Variants in PPARGC1A observed in about 807,000 individuals in gnomAD.
PPARGC1A encodes PPARG coactivator 1 alpha.
In PPARGC1A, 25 loss-of-function variants were observed where a neutral mutation model predicts 88.7. The ratio of observed to expected loss-of-function variants is 0.28; its 90% CI spans 0.21 to 0.39. The LOEUF is 0.39. PPARGC1A is among the 10% of genes least tolerant of loss of function. The pLI, the probability that PPARGC1A is intolerant of heterozygous loss-of-function variation, is 1.00. For synonymous variants in PPARGC1A, 363 were observed against 355.6 expected (o/e 1.02, Z -0.24); for missense variants, 880 against 968.7 (o/e 0.91, Z 1.22).
the PPARGC1A span, among the ~76,000 whole-genome samples, chr4:24,011,619 T>G: frequency 6.6e-6 from 1 of 152,280 alleles, no homozygotes; most frequent in Non-Finnish European, 1.5e-5. Flanking sequence ...CTCACCGAAC[T>G]TTCCTGACCC....
At chr4:24,019,526 T>C in the PPARGC1A span, among the ~76,000 whole-genome samples, 1 of 152,168 alleles carries the variant, frequency 6.6e-6, no homozygotes, top group Non-Finnish European at 1.5e-5. Context: ...TATCCACATT[T>C]CAAAGTATTC....
rs1429371186 is a variant in PPARGC1A at position 23,890,037 on chromosome 4, A to G, written c.-80T>C. ...AGAGCACACACTCATGCAGGCAACCAGCCCCTTACTGAGAGTGAACTGAAG... is the reference window on the plus strand; with the variant it reads ...AGAGCACACACTCATGCAGGCAACCGGCCCCTTACTGAGAGTGAACTGAAG... On this transcript the variant is annotated 5_prime_UTR_variant, in exon 1 of 13. Coordinates refer to ENST00000264867, the MANE Select transcript of PPARGC1A (RefSeq NM_013261.5). 10 of 1,595,444 alleles carry G rather than the reference A, an allele frequency of 6.3e-6. No individual in the cohort carries two copies. Among genetic ancestry groups the G allele is most frequent in the Middle Eastern group, 3.4e-4 (2 of 5,946 alleles).
At chr4:24,211,863 T>A in the PPARGC1A span, among the ~76,000 whole-genome samples, 2 of 152,246 alleles carry the variant, frequency 1.3e-5, no homozygotes, top group Non-Finnish European at 2.9e-5. Flanking sequence ...TAATTTTTCT[T>A]GCACAGGTAT....
intron 2 of PPARGC1A, among the ~76,000 whole-genome samples, chr4:23,853,070 T>C (rs1729587855): frequency 6.6e-6 from 1 of 152,210 alleles, no homozygotes; most frequent in African/African-American, 2.4e-5. Context: ...TATAAGAAAT[T>C]TGTAAAAGAA....
At chr4:24,430,667 T>G in the PPARGC1A span, among the ~76,000 whole-genome samples, 1 of 151,998 alleles carries the variant, frequency 6.6e-6, no homozygotes, top group African/African-American at 2.4e-5. Context: ...TTTTTTTAAC[T>G]GGGAAGTGAC....
the PPARGC1A span, among the ~76,000 whole-genome samples, chr4:24,291,013 G>A: frequency 6.6e-6 from 1 of 152,100 alleles, no homozygotes; most frequent in Admixed American, 6.6e-5. Flanking sequence ...CTCTTCTACT[G>A]TCTTATGCAC....
chr4:23,987,872 G>A, the PPARGC1A span, among the ~76,000 whole-genome samples: 4 of 151,850 alleles, frequency 2.6e-5, no homozygotes, highest in East Asian at 1.9e-4. Flanking sequence ...CACCTGCCAC[G>A]GTGGTTTGCT....
chr4:23,883,027 A>T (rs1486738629), intron 2 of PPARGC1A: 1 of 152,158 alleles, frequency 6.6e-6, no homozygotes, highest in African/African-American at 2.4e-5. Flanking sequence ...GGAGATGGAC[A>T]TTTTTTAAAG....
At chr4:23,842,458 A>T (rs1727224213) in intron 2 of PPARGC1A, among the ~76,000 whole-genome samples, 1 of 152,136 alleles carries the variant, frequency 6.6e-6, no homozygotes, top group Non-Finnish European at 1.5e-5. Flanking sequence ...CTTTTATCAG[A>T]AAAACTTGGA....
chr4:24,425,109 T>A, the PPARGC1A span, among the ~76,000 whole-genome samples: 1 of 152,132 alleles, frequency 6.6e-6, no homozygotes, highest in Non-Finnish European at 1.5e-5. Context: ...AAAGAGATCA[T>A]CCAAACGCTC....
At chr4:24,328,899 C>T in the PPARGC1A span, among the ~76,000 whole-genome samples, 1 of 152,190 alleles carries the variant, frequency 6.6e-6, no homozygotes, top group Admixed American at 6.5e-5. Flanking sequence ...ATTATAGTCT[C>T]GGAACCAAAC....
At chr4:24,185,192 G>A in the PPARGC1A span, among the ~76,000 whole-genome samples, 1 of 152,112 alleles carries the variant, frequency 6.6e-6, no homozygotes, top group Non-Finnish European at 1.5e-5. Context: ...ATACCAGACA[G>A]TTCCTGAAAC....
chr4:24,285,737 A>G, the PPARGC1A span, among the ~76,000 whole-genome samples: 3 of 152,186 alleles, frequency 2.0e-5, no homozygotes, highest in African/African-American at 7.2e-5. Flanking sequence ...CTATTTCTAA[A>G]TCAGAATCTG....
intron 6 of PPARGC1A, 23 bp downstream of exon 6, chr4:23,824,440 T>G (rs1421934741): frequency 6.2e-7 from 1 of 1,607,540 alleles, no homozygotes; most frequent in African/African-American, 1.3e-5. Flanking sequence ...TTTCAGAAAA[T>G]GGTTACATTT....
At chr4:24,234,660 C>T in the PPARGC1A span, among the ~76,000 whole-genome samples, 23 of 152,268 alleles carry the variant, frequency 1.5e-4, no homozygotes, top group Non-Finnish European at 2.9e-4. Context: ...AAAAGTAAGA[C>T]GCTTACACAC....
chr4:24,174,882 G>A, the PPARGC1A span, among the ~76,000 whole-genome samples: 1 of 152,244 alleles, frequency 6.6e-6, no homozygotes, highest in African/African-American at 2.4e-5. Flanking sequence ...CCAGTGGAAT[G>A]TCACTGGCTG....
intron 2 of PPARGC1A, among the ~76,000 whole-genome samples, chr4:23,874,180 C>T (rs1424257757): frequency 6.6e-6 from 1 of 152,176 alleles, no homozygotes; most frequent in African/African-American, 2.4e-5. Flanking sequence ...ATCGGTGTTA[C>T]ATATTCACTG....
intron 2 of PPARGC1A, among the ~76,000 whole-genome samples, chr4:23,866,678 A>C (rs1280181851): frequency 6.6e-6 from 1 of 152,226 alleles, no homozygotes; most frequent in Non-Finnish European, 1.5e-5. Flanking sequence ...AATAGCAGGC[A>C]CTAGAGAATT....
the PPARGC1A span, among the ~76,000 whole-genome samples, chr4:24,003,852 G>T: frequency 6.7e-6 from 1 of 149,828 alleles, no homozygotes; most frequent in South Asian, 2.1e-4. Context: ...GATCACTCTG[G>T]CTGCAGTGTG....
Sources: allele counts gnomAD v4.1 joint callset (sites outside exome capture counted in the v4.1 genomes callset), GRCh38; gene constraint gnomAD v4.1.1; transcripts MANE v1.5; gene names NCBI Gene and HGNC (gene_info 2026-07-23, HGNC 2026-07-21).